Variants in MRPS27 observed in about 807,000 individuals in gnomAD.
MRPS27 encodes small ribosomal subunit protein mS27.
A neutral mutation model predicts 48.9 loss-of-function variants in MRPS27; 43 were observed. That is an observed-to-expected ratio of 0.88 (90% CI 0.69 to 1.13). MRPS27 has a LOEUF of 1.13. MRPS27 is among the 50% of genes most tolerant of loss of function. The pLI is 0.00. For synonymous variants in MRPS27, 188 were observed against 171.9 expected (o/e 1.09, Z -0.73); for missense variants, 467 against 476.3 (o/e 0.98, Z 0.18).
chr5:72,308,649 C>T (rs1395385603), intron 2 of MRPS27, among the ~76,000 whole-genome samples: 2 of 152,236 alleles, frequency 1.3e-5, no homozygotes, highest in Non-Finnish European at 2.9e-5. Flanking sequence ...ATGCGGCCTC[C>T]CTGCTAAGTG....
intron 4 of MRPS27, among the ~76,000 whole-genome samples, chr5:72,262,962 T>C (rs1749021956): frequency 6.6e-6 from 1 of 152,012 alleles, no homozygotes; most frequent in Admixed American, 6.5e-5. Flanking sequence ...ATGCTTGCCT[T>C]TGATATCCTG....
intron 8 of MRPS27, chr5:72,227,429 C>G (rs1747931438): frequency 6.6e-6 from 1 of 152,078 alleles, no homozygotes; most frequent in South Asian, 2.1e-4. Context: ...AGAATCAGCA[C>G]CAAGAATAAC....
At position 72,255,352 on chromosome 5, in the gene MRPS27, G is replaced by A. The variant is rs7706152; in HGVS notation, c.282-17224C>T. 2.4e-3 allele frequency among the ~76,000 whole-genome samples: 360 copies of A among 152,124 alleles called. 5 individuals carry two copies. Among genetic ancestry groups the A allele is most frequent in the African/African-American group, 8.4e-3 (347 of 41,520 alleles). On this transcript the variant is annotated intron_variant, in intron 4 of 10. Transcript: ENST00000261413. The stretch of plus-strand genomic sequence containing the variant: ...AGGCCTGAGCCACTGCACCTGGCCT[G>A]TAATACATTTCTTGATATACATTCA...
intron 4 of MRPS27, among the ~76,000 whole-genome samples, chr5:72,286,109 T>C (rs1749664378): frequency 6.6e-6 from 1 of 152,220 alleles, no homozygotes; most frequent in Non-Finnish European, 1.5e-5. Context: ...TTCCTAAATA[T>C]ATACTATACA....
At chr5:72,289,580 C>A (rs1030815410) in intron 4 of MRPS27, among the ~76,000 whole-genome samples, 29 of 152,128 alleles carry the variant, frequency 1.9e-4, no homozygotes, top group African/African-American at 7.0e-4. Flanking sequence ...CACCACCACA[C>A]CCGGCTAATT....
At chr5:72,235,960 T>C (rs1748190471) in intron 5 of MRPS27, among the ~76,000 whole-genome samples, 1 of 152,204 alleles carries the variant, frequency 6.6e-6, no homozygotes, top group South Asian at 2.1e-4. Flanking sequence ...CATAAGCCAC[T>C]GCCTTGAGAT....
chr5:72,236,575 C>T (rs1748204083), intron 5 of MRPS27, among the ~76,000 whole-genome samples: 1 of 152,150 alleles, frequency 6.6e-6, no homozygotes, highest in Non-Finnish European at 1.5e-5. Flanking sequence ...TCCATTCCTT[C>T]CTCTGGGCCT....
intron 4 of MRPS27, among the ~76,000 whole-genome samples, chr5:72,243,784 T>A (rs893092922): frequency 6.6e-6 from 1 of 152,190 alleles, no homozygotes; most frequent in African/African-American, 2.4e-5. Flanking sequence ...TTCTAATTTT[T>A]AAAAAATTAA....
intron 4 of MRPS27, among the ~76,000 whole-genome samples, chr5:72,292,005 G>A (rs576537552): frequency 2.0e-5 from 3 of 152,136 alleles, no homozygotes; most frequent in Non-Finnish European, 2.9e-5. Context: ...TATACATATC[G>A]TATAAAGTCC....
intron 4 of MRPS27, among the ~76,000 whole-genome samples, chr5:72,271,014 A>G: frequency 6.6e-6 from 1 of 152,206 alleles, no homozygotes; most frequent in East Asian, 1.9e-4. Flanking sequence ...CATCTATGAA[A>G]AACCTACAGC....
In MRPS27 at chr5:72,221,151, G is replaced by T; in HGVS notation, c.1006-3C>A. ...GCTTGAAGCTTAGAATGTAAGGCCT[G>T]TTGGAAACAAATGGGAAAAATGAGA... On this transcript the variant is annotated splice_polypyrimidine_tract_variant and splice_region_variant and intron_variant, in intron 10 of 10. Transcript: ENST00000261413. The T allele has an allele frequency of 6.2e-7, 1 of 1,613,028 alleles. No homozygotes were observed. Among genetic ancestry groups the T allele is most frequent in the African/African-American group, 1.3e-5 (1 of 74,900 alleles).
At chr5:72,270,538 C>A (rs1749211175) in intron 4 of MRPS27, among the ~76,000 whole-genome samples, 1 of 152,036 alleles carries the variant, frequency 6.6e-6, no homozygotes, top group South Asian at 2.1e-4. Context: ...TATAATTTAA[C>A]ATCTTCTTAA....
chr5:72,235,043 T>C (rs1223437627), intron 5 of MRPS27, among the ~76,000 whole-genome samples: 1 of 152,152 alleles, frequency 6.6e-6, no homozygotes, highest in Non-Finnish European at 1.5e-5. Context: ...TTGAGAGATT[T>C]TGATACAGTC....
At chr5:72,239,193 A>G (rs2111963099) in intron 4 of MRPS27, among the ~76,000 whole-genome samples, 2 of 152,320 alleles carry the variant, frequency 1.3e-5, no homozygotes, top group Admixed American at 1.3e-4. Flanking sequence ...AGTCGAGGGT[A>G]CAGATGAATA....
At chr5:72,280,593 G>C (rs1749510246) in intron 4 of MRPS27, among the ~76,000 whole-genome samples, 1 of 152,176 alleles carries the variant, frequency 6.6e-6, no homozygotes, top group African/African-American at 2.4e-5. Flanking sequence ...AAATAAAAGT[G>C]GGGAATGCTG....
chr5:72,304,511 T>G (rs144928575), intron 2 of MRPS27, among the ~76,000 whole-genome samples: 10 of 152,312 alleles, frequency 6.6e-5, no homozygotes, highest in Middle Eastern at 3.4e-3. Context: ...AAAATAAAGC[T>G]GGTACAGTTG....
chr5:72,271,450 C>T lies in MRPS27; in HGVS notation c.281+24081G>A, dbSNP rs71628034. ...TACACTGAAATTTATAAAATATTGCCGAGAAAAAAACAAAGGCAATCTTAA... is the reference window on the plus strand; with the variant it reads ...TACACTGAAATTTATAAAATATTGCTGAGAAAAAAACAAAGGCAATCTTAA... On this transcript the variant is annotated intron_variant, in intron 4 of 10. Coordinates refer to ENST00000261413, the MANE Select transcript of MRPS27 (RefSeq NM_015084.3). 2.6e-5 allele frequency among the ~76,000 whole-genome samples: 4 copies of T among 151,912 alleles called. No individual in the cohort carries two copies. The East Asian group carries it at 5.8e-4, about 22-fold the overall frequency.
intron 2 of MRPS27, among the ~76,000 whole-genome samples, chr5:72,300,483 T>A (rs984457847): frequency 6.6e-6 from 1 of 152,214 alleles, no homozygotes; most frequent in Non-Finnish European, 1.5e-5. Context: ...TAGGTGATAT[T>A]TCCATCTGGG....
At chr5:72,267,679 T>G (rs79430001) in intron 4 of MRPS27, among the ~76,000 whole-genome samples, 5 of 152,164 alleles carry the variant, frequency 3.3e-5, no homozygotes, top group Non-Finnish European at 7.4e-5. Context: ...CCTCAAAAAG[T>G]ACACCTTAGT....
Sources: allele counts gnomAD v4.1 joint callset (sites outside exome capture counted in the v4.1 genomes callset), GRCh38; gene constraint gnomAD v4.1.1; transcripts MANE v1.5; gene names NCBI Gene and HGNC (gene_info 2026-07-23, HGNC 2026-07-21).